Variants in LHX4 observed in about 807,000 individuals in gnomAD.
LHX4 encodes the protein LIM/homeobox protein Lhx4.
LHX4 carries 16 observed loss-of-function variants against 39.2 expected under a neutral mutation model. The ratio of observed to expected loss-of-function variants is 0.41; its 90% CI spans 0.28 to 0.62. The LOEUF is 0.62. Among genes scored for constraint, LHX4 ranks in the 20% least tolerant of loss-of-function variants. LHX4 has a pLI of 0.33. For missense variants in LHX4, 439 were observed against 511.9 expected (o/e 0.86, Z 1.37); for synonymous variants, 206 against 198.1 (o/e 1.04, Z -0.33).
chr1:180,235,565 G>A (rs1283006575), intron 1 of LHX4, among the ~76,000 whole-genome samples: 1 of 152,248 alleles, frequency 6.6e-6, no homozygotes, highest in Non-Finnish European at 1.5e-5. Flanking sequence ...CTTCGGAGCG[G>A]GGAGGCCGCC....
chr1:180,251,739 G>A lies in LHX4; in HGVS notation c.248+3283G>A, dbSNP rs114913695. Among the ~76,000 whole-genome samples, 418 of 152,288 alleles carry A rather than the reference G, an allele frequency of 2.7e-3. 3 individuals carry two copies. The highest frequency in any genetic ancestry group is 9.4e-3 in the African/African-American group (390 of 41,554). On this transcript the variant is annotated intron_variant, in intron 2 of 5. Transcript: ENST00000263726. ...ATGCTCAGGCCCATCATTTAGCCAC[G>A]GTCACTTCCCTTGTTCCCGGCACTG...
chr1:180,255,112 C>A (rs192960807), intron 2 of LHX4, among the ~76,000 whole-genome samples: 93 of 152,376 alleles, frequency 6.1e-4, no homozygotes, highest in East Asian at 3.9e-4. Context: ...CGCTCGCTCG[C>A]ATCAAAGAGC....
chr1:180,257,818 G>A (rs145778666), intron 2 of LHX4, among the ~76,000 whole-genome samples: 49 of 152,286 alleles, frequency 3.2e-4, no homozygotes, highest in African/African-American at 1.2e-3. Flanking sequence ...ATGGGTCCTG[G>A]GCTGGTCCCC....
At chr1:180,272,235 C>A (rs957081111) in intron 5 of LHX4, among the ~76,000 whole-genome samples, 3 of 152,088 alleles carry the variant, frequency 2.0e-5, no homozygotes, top group African/African-American at 7.2e-5. Context: ...ATGGGCCAGG[C>A]CCCGTCCTGT....
intron 1 of LHX4, among the ~76,000 whole-genome samples, chr1:180,231,341 G>A (rs1664173193): frequency 6.6e-6 from 1 of 151,882 alleles, no homozygotes. Context: ...GGGTGTGTGG[G>A]AGCTTTGCTA....
In LHX4 at chr1:180,232,956, A is replaced by T. The variant is rs181293167; in HGVS notation, c.76+2351A>T. Among the ~76,000 whole-genome samples, 209 of 152,284 alleles carry T rather than the reference A, an allele frequency of 1.4e-3. 4 individuals are homozygous for T. The highest frequency in any genetic ancestry group is 0.012 in the Admixed American group (191 of 15,300). ...GGGGTCCCTCCAGTCGCCAACTAGAAGGGTTTCCCTCTCAACACAGACATG... is the reference window on the plus strand; with the variant it reads ...GGGGTCCCTCCAGTCGCCAACTAGATGGGTTTCCCTCTCAACACAGACATG... On this transcript the variant is annotated intron_variant, in intron 1 of 5. Transcript: ENST00000263726. This position sits in a 1 kb window ranked among gnomAD's most constrained non-coding sequence, Gnocchi z 5.4.
chr1:180,271,921 C>T lies in LHX4; in HGVS notation c.693C>T (p.Val231=). Residue 231 remains valine, a synonymous_variant, in exon 5 of 6, where the codon GTC becomes GTT. Transcript: ENST00000263726. ...RHRWGQFYKS[V]KRSRGSSKQE... is the part of the protein sequence containing the mutation. Reference sequence around the variant, plus strand: ...GCTGGGGGCAGTTCTATAAGAGCGTCAAGAGGAGCCGGGGCAGCAGCAAGC... The same window carrying T: ...GCTGGGGGCAGTTCTATAAGAGCGTTAAGAGGAGCCGGGGCAGCAGCAAGC... The T allele has an allele frequency of 6.2e-7, 1 of 1,613,390 alleles. No individual in the cohort carries two copies.
In LHX4 at chr1:180,274,218, A is replaced by C; in HGVS notation, c.812A>C (p.Asn271Thr). 3.7e-6 allele frequency: 6 copies of C among 1,614,206 alleles called. No individual in the cohort carries two copies. The highest frequency in any genetic ancestry group is 5.1e-6 in the Non-Finnish European group (6 of 1,180,028). The change falls in exon 6 of 6, where the codon AAT becomes ACT. Residue 271 changes from asparagine (N) to threonine (T), a missense_variant. Coordinates refer to ENST00000263726, the MANE Select transcript of LHX4 (RefSeq NM_033343.4). ...DQILSELGHTNRIYGNVGDVT... is the reference protein window; with the variant it reads ...DQILSELGHTTRIYGNVGDVT... ...ATTCTCTCAGAACTTGGCCACACCA[A>C]TAGGATTTATGGCAACGTGGGGGAC...
upstream of LHX4, among the ~76,000 whole-genome samples, chr1:180,229,376 G>C: frequency 6.6e-6 from 1 of 152,110 alleles, no homozygotes; most frequent in East Asian, 1.9e-4. Flanking sequence ...TGCGGAACTG[G>C]AGGCAAGTGC....
intron 5 of LHX4, 48 bp downstream of exon 5, chr1:180,272,054 G>A (rs374778254): frequency 1.6e-5 from 25 of 1,554,890 alleles, no homozygotes; most frequent in Non-Finnish European, 2.2e-5. Context: ...AAAGTCCCCT[G>A]GGAATCTGTA....
Position 180,234,666 on chromosome 1 carries a change from C to T in LHX4, c.76+4061C>T, listed in dbSNP as rs549427489. ...AAGCCGGACACGGAGCACGCAGGTGCAGCAGGTGAGGGGCAAAGGTCTGCA... is the reference window on the plus strand; with the variant it reads ...AAGCCGGACACGGAGCACGCAGGTGTAGCAGGTGAGGGGCAAAGGTCTGCA... On this transcript the variant is annotated intron_variant, in intron 1 of 5. Coordinates refer to ENST00000263726, the MANE Select transcript of LHX4 (RefSeq NM_033343.4). The surrounding 1 kb of genome is among the most constrained non-coding windows in gnomAD (Gnocchi z 4.8). Among the ~76,000 whole-genome samples the T allele has an allele frequency of 3.2e-4, 49 of 152,370 alleles. No homozygotes were observed. The East Asian group carries it at 9.3e-3, about 29-fold the overall frequency.
intron 2 of LHX4, among the ~76,000 whole-genome samples, chr1:180,250,231 G>C (rs1647564347): frequency 6.6e-6 from 1 of 152,042 alleles, no homozygotes; most frequent in East Asian, 1.9e-4. Flanking sequence ...TGGGCAACAG[G>C]AGTTTGCCTC....
intron 1 of LHX4, among the ~76,000 whole-genome samples, chr1:180,236,735 A>C (rs1268265753): frequency 1.3e-5 from 2 of 152,002 alleles, no homozygotes; most frequent in Admixed American, 6.6e-5. Flanking sequence ...CAATTAAGGA[A>C]ATTTTTCAGG....
At chr1:180,254,449 A>G (rs1647760980) in intron 2 of LHX4, among the ~76,000 whole-genome samples, 1 of 152,250 alleles carries the variant, frequency 6.6e-6, no homozygotes, top group Admixed American at 6.5e-5. Flanking sequence ...GCAGGTAGGC[A>G]GCGTCCTTGG....
intron 1 of LHX4, among the ~76,000 whole-genome samples, chr1:180,240,266 T>C (rs1041969361): frequency 6.6e-6 from 1 of 152,208 alleles, no homozygotes; most frequent in Non-Finnish European, 1.5e-5. Flanking sequence ...ACTTCTGGGT[T>C]CAAGTAATCC....
At chr1:180,257,641 G>A (rs192665737) in intron 2 of LHX4, among the ~76,000 whole-genome samples, 18 of 152,370 alleles carry the variant, frequency 1.2e-4, no homozygotes, top group East Asian at 3.9e-4. Context: ...GTCAAGTGTG[G>A]TGATAGATAA....
intron 1 of LHX4, among the ~76,000 whole-genome samples, chr1:180,243,015 T>G (rs1664475045): frequency 6.6e-6 from 1 of 152,130 alleles, no homozygotes; most frequent in Admixed American, 6.5e-5. Flanking sequence ...TTCTTTCATT[T>G]TTTTGCTCTG....
chr1:180,268,703 G>A (rs1373993832), intron 3 of LHX4, among the ~76,000 whole-genome samples: 2 of 152,200 alleles, frequency 1.3e-5, no homozygotes, highest in Non-Finnish European at 2.9e-5. Flanking sequence ...GGTGAGGTGT[G>A]CTTGAGGTTT....
At chr1:180,269,403 G>A (rs1000203220) in intron 3 of LHX4, among the ~76,000 whole-genome samples, 1 of 152,058 alleles carries the variant, frequency 6.6e-6, no homozygotes, top group Non-Finnish European at 1.5e-5. Context: ...ATGAATACTT[G>A]GATGACATTG....
Sources: allele counts gnomAD v4.1 joint callset (sites outside exome capture counted in the v4.1 genomes callset), GRCh38; gene constraint gnomAD v4.1.1; non-coding constraint Gnocchi (gnomAD v3.1); transcripts MANE v1.5; gene names NCBI Gene and HGNC (gene_info 2026-07-23, HGNC 2026-07-21).